Variants in ERGIC1 observed in about 807,000 individuals in gnomAD.
The protein encoded by ERGIC1 is endoplasmic reticulum-golgi intermediate compartment 1.
A neutral mutation model predicts 38.3 loss-of-function variants in ERGIC1; 19 were observed. That is an observed-to-expected ratio of 0.50 (90% CI 0.35 to 0.73). ERGIC1 has a LOEUF of 0.73. Ranked by LOEUF, ERGIC1 falls within the 30% of genes least tolerant of loss-of-function variation. ERGIC1 has a pLI of 0.01. For missense variants in ERGIC1, 294 were observed against 389.2 expected (o/e 0.76, Z 2.06); for synonymous variants, 124 against 157.6 (o/e 0.79, Z 1.60).
chr5:172,840,460 C>T (rs932698142), intron 1 of ERGIC1, among the ~76,000 whole-genome samples: 2 of 152,186 alleles, frequency 1.3e-5, no homozygotes, highest in Admixed American at 6.5e-5. Flanking sequence ...CAGTGAGCCT[C>T]AACCCTGGCT....
Position 172,839,845 on chromosome 5 carries a change from G to A in ERGIC1, c.20+5412G>A, listed in dbSNP as rs527423701. 9.2e-5 allele frequency among the ~76,000 whole-genome samples: 14 copies of A among 151,548 alleles called. No homozygotes were observed. The South Asian group carries it at 1.2e-3, about 13-fold the overall frequency. On this transcript the variant is annotated intron_variant, in intron 1 of 9. Transcript: ENST00000393784. ...GAGGTGCCACAGAGTTCGGAAACAC[G>A]GTCGTTCCCGTTCCTGGAGCTGGGA...
intron 9 of ERGIC1, among the ~76,000 whole-genome samples, chr5:172,945,842 G>A (rs1764110313): frequency 6.6e-6 from 1 of 152,134 alleles, no homozygotes; most frequent in East Asian, 1.9e-4. Context: ...CTGCCACCAT[G>A]CCCAGCTAAT....
rs1406008707 is a variant in ERGIC1, at chr5:172,874,548, C to T, written c.21-14151C>T. On this transcript the variant is annotated intron_variant, in intron 1 of 9. Transcript: ENST00000393784. ...GATGTAGACAGATGGGGTTCCAGCTCTCTGGTGACATATTCTGATGGAGTC... is the reference window on the plus strand; with the variant it reads ...GATGTAGACAGATGGGGTTCCAGCTTTCTGGTGACATATTCTGATGGAGTC... 3.9e-5 allele frequency among the ~76,000 whole-genome samples: 6 copies of T among 152,186 alleles called. No homozygotes were observed. In the East Asian group the frequency reaches 9.6e-4, roughly 24 times the overall value.
intron 1 of ERGIC1, among the ~76,000 whole-genome samples, chr5:172,887,927 G>A (rs568951543): frequency 7.9e-5 from 12 of 152,326 alleles, no homozygotes; most frequent in Admixed American, 3.9e-4. Flanking sequence ...AAAGGGAAGA[G>A]GGGGAGGAGA....
At chr5:172,869,275 G>A in intron 1 of ERGIC1, among the ~76,000 whole-genome samples, 1 of 152,248 alleles carries the variant, frequency 6.6e-6, no homozygotes, top group East Asian at 1.9e-4. Flanking sequence ...GCTCAGGGGA[G>A]GCTGGCCTCA....
At chr5:172,906,006 A>G (rs1763011457) in intron 3 of ERGIC1, 3 of 454,674 alleles carry the variant, frequency 6.6e-6, no homozygotes, top group Non-Finnish European at 1.3e-5. Flanking sequence ...CGGTGTTTAA[A>G]GGTGGGAGTG....
intron 3 of ERGIC1, among the ~76,000 whole-genome samples, chr5:172,900,901 G>T (rs1298623862): frequency 6.6e-6 from 1 of 152,184 alleles, no homozygotes; most frequent in East Asian, 1.9e-4. Flanking sequence ...CCTTACTAAG[G>T]TATAGGAGTT....
At chr5:172,946,245 A>G (rs184829959) in intron 9 of ERGIC1, among the ~76,000 whole-genome samples, 114 of 152,326 alleles carry the variant, frequency 7.5e-4, no homozygotes, top group Non-Finnish European at 1.4e-3. Flanking sequence ...GTGAACAGCA[A>G]CAGGCTGTGG....
chr5:172,934,969 C>T (rs946080306), intron 8 of ERGIC1: 2 of 578,444 alleles, frequency 3.5e-6, no homozygotes, highest in East Asian at 2.8e-5. Context: ...TGGTCAATTT[C>T]TAAACAACCA....
intron 1 of ERGIC1, among the ~76,000 whole-genome samples, chr5:172,845,044 A>ACG (rs1761253082): frequency 3.3e-5 from 5 of 151,578 alleles, no homozygotes; most frequent in Admixed American, 1.3e-4. Flanking sequence ...AGGGGTATAT[A>ACG]GGGGGGACAG....
rs553511252 is a variant in ERGIC1 at position 172,873,824 on chromosome 5, G to C, written c.21-14875G>C. Among the ~76,000 whole-genome samples, 4 of 152,314 alleles carry C rather than the reference G, an allele frequency of 2.6e-5. No homozygotes were observed. In the East Asian group the frequency reaches 5.8e-4, roughly 22 times the overall value. Reference sequence around the variant, plus strand: ...TAGGCCAAGTGTCTAAGCAGTGCTTGGCCCATAGGGTGGGAGTCCAGGAAA... The same window carrying C: ...TAGGCCAAGTGTCTAAGCAGTGCTTCGCCCATAGGGTGGGAGTCCAGGAAA... On this transcript the variant is annotated intron_variant, in intron 1 of 9. Transcript: ENST00000393784.
At chr5:172,864,268 C>CTTTT (rs60390189) in intron 1 of ERGIC1, among the ~76,000 whole-genome samples, 1,027 of 71,168 alleles carry the variant, frequency 0.014, 31 homozygotes, top group African/African-American at 0.05. Context: ...ATTTTGTAGT[C>CTTTT]TTTTTTTTTT....
At chr5:172,842,293 TTCTGTG>T (rs2113515987) in intron 1 of ERGIC1, among the ~76,000 whole-genome samples, 1 of 152,368 alleles carries the variant, frequency 6.6e-6, no homozygotes, top group East Asian at 1.9e-4. Flanking sequence ...GCAGTCTTCA[TTCTGTG>T]TCTGCCTTAT....
chr5:172,839,149 G>A (rs1440677743), intron 1 of ERGIC1, among the ~76,000 whole-genome samples: 3 of 150,940 alleles, frequency 2.0e-5, no homozygotes, highest in Non-Finnish European at 2.9e-5. Flanking sequence ...GCTGAGGCAG[G>A]AGAATTGCTT....
intron 9 of ERGIC1, among the ~76,000 whole-genome samples, chr5:172,938,558 C>A (rs190256908): frequency 1.2e-4 from 18 of 151,610 alleles, no homozygotes; most frequent in African/African-American, 4.4e-4. Context: ...TCAAGACCAG[C>A]CTGGCCAACA....
intron 1 of ERGIC1, chr5:172,867,079 CAG>C: frequency 9.2e-6 from 4 of 435,108 alleles, no homozygotes; most frequent in South Asian, 4.8e-5. Context: ...AGTGGCCATG[CAG>C]AGTCTTTGCA....
chr5:172,914,083 A>C (rs1763277603), intron 4 of ERGIC1, among the ~76,000 whole-genome samples: 1 of 151,908 alleles, frequency 6.6e-6, no homozygotes, highest in African/African-American at 2.4e-5. Context: ...AAAAATACAA[A>C]AAAAATTTTT....
At chr5:172,887,928 G>T (rs1261686771) in intron 1 of ERGIC1, among the ~76,000 whole-genome samples, 1 of 152,210 alleles carries the variant, frequency 6.6e-6, no homozygotes, top group East Asian at 1.9e-4. Context: ...AAGGGAAGAG[G>T]GGGAGGAGAG....
At chr5:172,867,080 A>G in intron 1 of ERGIC1, 1 of 435,884 alleles carries the variant, frequency 2.3e-6, no homozygotes, top group Admixed American at 2.4e-5. Flanking sequence ...GTGGCCATGC[A>G]GAGTCTTTGC....
Sources: allele counts gnomAD v4.1 joint callset (sites outside exome capture counted in the v4.1 genomes callset), GRCh38; gene constraint gnomAD v4.1.1; transcripts MANE v1.5; gene names NCBI Gene and HGNC (gene_info 2026-07-23, HGNC 2026-07-21).